The following GLIS1 variants were observed in gnomAD, a reference collection of about 807,000 sequenced individuals.
GLIS1 encodes the protein GLIS family zinc finger 1, also known as zinc finger protein GLIS1.
GLIS1 carries 24 observed loss-of-function variants against 63.8 expected under a neutral mutation model. The observed-to-expected ratio is 0.38, with a 90% CI of 0.27 to 0.53. The LOEUF (loss-of-function observed/expected upper bound fraction) is 0.53, where lower values mean the gene tolerates loss of function less well. Among genes scored for constraint, GLIS1 ranks in the 20% least tolerant of loss-of-function variants. The pLI is 0.85. For missense variants in GLIS1, 1,036 were observed against 1,074.1 expected (o/e 0.96, Z 0.50); for synonymous variants, 450 against 482.5 (o/e 0.93, Z 0.88).
intron 7 of GLIS1, 107 bp from the exon 8 acceptor site, chr1:53,514,888 G>A: frequency 7.5e-7 from 1 of 1,327,746 alleles, no homozygotes. Flanking sequence ...AAGACAAGAG[G>A]GAAAATGAAC....
chr1:53,621,042 G>A (rs907478233), intron 2 of GLIS1, among the ~76,000 whole-genome samples: 1 of 152,232 alleles, frequency 6.6e-6, no homozygotes, highest in Non-Finnish European at 1.5e-5. Context: ...GAGACAGCCA[G>A]CCTGGTCTGG....
At chr1:53,540,390 CA>C (rs1644630952) in intron 4 of GLIS1, among the ~76,000 whole-genome samples, 1 of 152,150 alleles carries the variant, frequency 6.6e-6, no homozygotes, top group Non-Finnish European at 1.5e-5. Flanking sequence ...TCTCTGCAAA[CA>C]AACTCGCCCC....
At chr1:53,632,652 T>C (rs1217010347) in intron 2 of GLIS1, among the ~76,000 whole-genome samples, 1 of 142,938 alleles carries the variant, frequency 7.0e-6, no homozygotes, top group Admixed American at 7.0e-5. Context: ...TTGAGGGGCA[T>C]GTGAATGAGA....
Position 53,586,200 on chromosome 1 carries a change from G to A in GLIS1, c.1320+7908C>T, listed in dbSNP as rs74084753. Among the ~76,000 whole-genome samples the A allele has an allele frequency of 7.9e-3, 1,210 of 152,322 alleles. 20 individuals are homozygous for A. The highest frequency in any genetic ancestry group is 0.027 in the African/African-American group (1,134 of 41,560). On this transcript the variant is annotated intron_variant, in intron 4 of 10. Coordinates refer to ENST00000628545, the MANE Select transcript of GLIS1 (RefSeq NM_001367484.1). Reference sequence around the variant, plus strand: ...CCCCTGGGTTTGCTTTTCCAAAACAGGGGAGGAAGAAAAGCATCCCAATGT... The same window carrying A: ...CCCCTGGGTTTGCTTTTCCAAAACAAGGGAGGAAGAAAAGCATCCCAATGT...
chr1:53,650,494 G>T (rs1460799959), intron 2 of GLIS1, among the ~76,000 whole-genome samples: 1 of 151,534 alleles, frequency 6.6e-6, no homozygotes, highest in Non-Finnish European at 1.5e-5. Flanking sequence ...GGAAGCTAAG[G>T]CAGGAGAATT....
intron 7 of GLIS1, among the ~76,000 whole-genome samples, chr1:53,519,525 T>G (rs1644385066): frequency 6.6e-6 from 1 of 152,206 alleles, no homozygotes; most frequent in Non-Finnish European, 1.5e-5. Flanking sequence ...TGTGGTTTCT[T>G]TAGGGGAGTC....
rs1646451588 is a variant in GLIS1 at position 53,695,141 on chromosome 1, G to T, written c.259+42665C>A. On this transcript the variant is annotated intron_variant, in intron 2 of 10. Coordinates refer to ENST00000628545, the MANE Select transcript of GLIS1 (RefSeq NM_001367484.1). The stretch of plus-strand genomic sequence containing the variant: ...GCAGGCCGACTGTCAGCTGGGGTGG[G>T]GGTGGGTTGAGGAAGAGGAAAGCCC... 2.0e-5 allele frequency among the ~76,000 whole-genome samples: 3 copies of T among 152,126 alleles called. No homozygotes were observed. The South Asian group carries it at 6.2e-4, about 32-fold the overall frequency.
chr1:53,736,017 C>T (rs1211411228), intron 2 of GLIS1, among the ~76,000 whole-genome samples: 1 of 152,210 alleles, frequency 6.6e-6, no homozygotes, highest in East Asian at 1.9e-4. Flanking sequence ...ATACCAAACA[C>T]TTTCCCACCT....
At chr1:53,662,320 C>T (rs1646037537) in intron 2 of GLIS1, among the ~76,000 whole-genome samples, 1 of 152,148 alleles carries the variant, frequency 6.6e-6, no homozygotes, top group Admixed American at 6.5e-5. Context: ...GAAGAGTGGG[C>T]CCCCGCAGGA....
chr1:53,600,866 G>A (rs765778176), intron 2 of GLIS1, among the ~76,000 whole-genome samples: 3 of 152,206 alleles, frequency 2.0e-5, no homozygotes, highest in African/African-American at 4.8e-5. Flanking sequence ...CCTCGCTATT[G>A]CCTGATTCTT....
At position 53,737,965 on chromosome 1, in the gene GLIS1, T is replaced by C. The variant is rs1341685696; in HGVS notation, c.100A>G (p.Met34Val). Residue 34 changes from methionine to valine, a missense_variant, in exon 2 of 11, where the codon ATG becomes GTG. Around this residue, in one of 3 missense-constraint regions of GLIS1, gnomAD observed 592 missense variants for 593.9 expected, o/e 1.00. Transcript: ENST00000628545. ...DRGPASLGAH[M>V]AFRVTVSGGG... ...CCACTCACGGTGACCCTGAAGGCCATGTGCGCGCCGAGGCTGGCGGGGCCG... is the reference window on the plus strand; with the variant it reads ...CCACTCACGGTGACCCTGAAGGCCACGTGCGCGCCGAGGCTGGCGGGGCCG... 2 of 1,230,098 alleles carry C rather than the reference T, an allele frequency of 1.6e-6. No homozygotes were observed. The highest frequency in any genetic ancestry group is 1.6e-5 in the African/African-American group (1 of 64,302). 76.2% of individuals were successfully genotyped at this position (1,230,098 alleles called of 1,614,324 possible). A position where few individuals can be genotyped will look rare whatever the true frequency, so the allele number is the denominator to read the frequency against.
intron 2 of GLIS1, among the ~76,000 whole-genome samples, chr1:53,604,837 T>C (rs1425363052): frequency 6.6e-6 from 1 of 151,956 alleles, no homozygotes; most frequent in Non-Finnish European, 1.5e-5. Flanking sequence ...AAGTAAATGA[T>C]TTAGGCTTTG....
rs762508940 is a variant in GLIS1 at position 53,529,759 on chromosome 1, C to T, written c.1482+32G>A. On this transcript the variant is annotated intron_variant, in intron 5 of 10. Coordinates refer to ENST00000628545, the MANE Select transcript of GLIS1 (RefSeq NM_001367484.1). ...GTGGCAGGTGTGTGGCCATCCTCCA[C>T]CCCGCCCTGGGCCTCTGCCTGTTGG... 6 of 1,599,682 alleles carry T rather than the reference C, an allele frequency of 3.8e-6. No homozygotes were observed. In the South Asian group the frequency reaches 6.7e-5, roughly 18 times the overall value.
At chr1:53,672,414 T>C (rs1646162198) in intron 2 of GLIS1, among the ~76,000 whole-genome samples, 2 of 152,210 alleles carry the variant, frequency 1.3e-5, no homozygotes. Context: ...CTTACCTTCC[T>C]ATCTGTTAAC....
rs1363708478 is a variant in GLIS1, at chr1:53,568,984, ATGAGCTAT to A, written c.1320+25116_1320+25123del. On this transcript the variant is annotated intron_variant, in intron 4 of 10. Transcript: ENST00000628545. ...GAATATTATTCAGTAGTGAAAAGGAATGAGCTATTGAGCTATAAAAAGACCTGGAAGAA... is the reference window on the plus strand; with the variant it reads ...GAATATTATTCAGTAGTGAAAAGGAATGAGCTATAAAAAGACCTGGAAGAA... Among the ~76,000 whole-genome samples, 12 of 152,360 alleles carry A rather than the reference ATGAGCTAT, an allele frequency of 7.9e-5. 1 individual carries two copies. In the East Asian group the frequency reaches 2.1e-3, roughly 27 times the overall value.
intron 2 of GLIS1, among the ~76,000 whole-genome samples, chr1:53,671,977 T>C (rs531482563): frequency 1.1e-4 from 16 of 152,288 alleles, no homozygotes; most frequent in Admixed American, 5.2e-4. Context: ...CCTCCTACTG[T>C]AGGATGAGGA....
chr1:53,632,607 ATGAG>A (rs1310335260), intron 2 of GLIS1, among the ~76,000 whole-genome samples: 2 of 130,784 alleles, frequency 1.5e-5, no homozygotes, highest in Non-Finnish European at 3.2e-5. Context: ...GGACATGTGA[ATGAG>A]TGTGACGGAG....
chr1:53,627,919 T>C (rs1012531033), intron 2 of GLIS1, among the ~76,000 whole-genome samples: 1 of 152,214 alleles, frequency 6.6e-6, no homozygotes, highest in African/African-American at 2.4e-5. Context: ...TGCTCCAAGA[T>C]AGCTTGCTCC....
Position 53,506,645 on chromosome 1 carries a change from T to C in GLIS1, c.2362A>G (p.Ile788Val). The C allele has an allele frequency of 6.2e-7, 1 of 1,608,832 alleles. No individual in the cohort carries two copies. Among genetic ancestry groups the C allele is most frequent in the Non-Finnish European group, 8.5e-7 (1 of 1,177,934 alleles). The change falls in exon 11 of 11, where the codon ATC (isoleucine) becomes GTC (valine). Residue 788 changes from isoleucine to valine, a missense_variant. Physicochemically the swap from Ile to Val is conservative, Grantham distance 29. Transcript: ENST00000628545. ...CAGGTGTCTGTGTAGATGGAGGGGA[T>C]GTGGCCCAGGCAGTGGTCAAAGGCT... The part of the protein sequence containing the change: ...NGAFDHCLGH[I>V]PSIYTDT
Sources: allele counts gnomAD v4.1 joint callset (sites outside exome capture counted in the v4.1 genomes callset), GRCh38; gene constraint gnomAD v4.1.1; regional missense constraint gnomAD v4.1.1; transcripts MANE v1.5; gene names NCBI Gene and HGNC (gene_info 2026-07-23, HGNC 2026-07-21).